The following SSRP1 variants were observed in gnomAD, a reference collection of about 807,000 sequenced individuals.
The protein encoded by SSRP1 is FACT complex subunit SSRP1.
Under a neutral mutation model 84.4 loss-of-function variants are expected in SSRP1, and 21 were observed. The observed-to-expected ratio is 0.25, with a 90% CI of 0.18 to 0.36. SSRP1 has a LOEUF of 0.36. SSRP1 is among the 10% of genes least tolerant of loss of function. SSRP1 has a pLI of 1.00. For synonymous variants in SSRP1, 319 were observed against 318.3 expected, an observed-to-expected ratio of 1.00 and a Z score of -0.02; for missense variants, 519 against 900.8, an observed-to-expected ratio of 0.58 and a Z score of 5.43.
chr11:57,326,718 C>T lies in SSRP1; in HGVS notation c.2043G>A (p.Lys681=). The change falls in exon 16 of 17, where the codon AAG becomes AAA. Residue 681 remains lysine, a synonymous_variant. Transcript: ENST00000278412. Reference sequence around the variant, plus strand: ...CCTGCCGCACCTCGCTCCTCCTCCTCTTCTTTTTGCTCTTGTTCTCTCCCG... The same window carrying T: ...CCTGCCGCACCTCGCTCCTCCTCCTTTTCTTTTTGCTCTTGTTCTCTCCCG... ...SSSGENKSKK[K]RRRSEDSEEE... The T allele has an allele frequency of 6.2e-7, 1 of 1,613,802 alleles. No individual in the cohort carries two copies.
rs906303481 is a variant in SSRP1, at chr11:57,330,227, T to C, written c.1435+64A>G. 5 of 1,613,748 alleles carry C rather than the reference T, an allele frequency of 3.1e-6. No individual in the cohort carries two copies. In the African/African-American group the frequency reaches 6.7e-5, roughly 22 times the overall value. On this transcript the variant is annotated intron_variant, in intron 11 of 16. Coordinates refer to ENST00000278412, the MANE Select transcript of SSRP1 (RefSeq NM_003146.3). This position sits in a 1 kb window ranked among gnomAD's most constrained non-coding sequence, Gnocchi z 4.0. ...CACCCAGCTCTGGCCCAAGGGTGAG[T>C]CCAGCCCGGGCCACAGCGAGGAGCG...
In SSRP1 at chr11:57,334,765, A is replaced by G; in HGVS notation, c.55-117T>C. Reference sequence around the variant, plus strand: ...GGACTGGCCAGATTATCAATGCAGGAGCAACAGCTGAGGGTGCCAAGGAGT... The same window carrying G: ...GGACTGGCCAGATTATCAATGCAGGGGCAACAGCTGAGGGTGCCAAGGAGT... On this transcript the variant is annotated intron_variant, in intron 2 of 16. Transcript: ENST00000278412. 2.4e-6 allele frequency: 3 copies of G among 1,251,978 alleles called. No homozygotes were observed. In the East Asian group the frequency reaches 7.0e-5, roughly 29 times the overall value. 77.6% of individuals were successfully genotyped at this position (1,251,978 alleles called of 1,614,324 possible).
rs1856181014 is a variant in SSRP1, at chr11:57,335,007, G to T, written c.54+61C>A. The T allele has an allele frequency of 2.5e-6, 4 of 1,591,548 alleles. No homozygotes were observed. The highest frequency in any genetic ancestry group is 3.4e-6 in the Non-Finnish European group (4 of 1,160,130). On this transcript the variant is annotated intron_variant, in intron 2 of 16. Transcript: ENST00000278412. This position sits in a 1 kb window ranked among gnomAD's most constrained non-coding sequence, Gnocchi z 4.6. ...TTACCAAAGCAAGCTCTCATTAATG[G>T]ACAAAAACTCTACCCTCCTTCCTTC...
At position 57,326,254 on chromosome 11, in the gene SSRP1, C is replaced by T. The variant is rs2134383317; in HGVS notation, c.*153G>A. Reference sequence around the variant, plus strand: ...AAGCAGCAGAGTTAAGACGTCTCCCCACTGCCCTAGTGACATACACACCAA... The same window carrying T: ...AAGCAGCAGAGTTAAGACGTCTCCCTACTGCCCTAGTGACATACACACCAA... On this transcript the variant is annotated 3_prime_UTR_variant, in exon 17 of 17. Transcript: ENST00000278412. 2 of 707,314 alleles carry T rather than the reference C, an allele frequency of 2.8e-6. No homozygotes were observed. Among genetic ancestry groups the T allele is most frequent in the East Asian group, 5.3e-5 (2 of 37,888 alleles). 43.8% of individuals were successfully genotyped at this position (707,314 alleles called of 1,614,324 possible).
In SSRP1 at chr11:57,332,566, C is replaced by T. The variant is rs1856115767; in HGVS notation, c.768+59G>A. ...TAGAATTCTGCACACCAGTGAGATC[C>T]ATCTACTTAACACTTAGGCAAAAAC... On this transcript the variant is annotated intron_variant, in intron 6 of 16. Coordinates refer to ENST00000278412, the MANE Select transcript of SSRP1 (RefSeq NM_003146.3). The surrounding 1 kb of genome is among the most constrained non-coding windows in gnomAD (Gnocchi z 5.5). 4 of 1,603,316 alleles carry T rather than the reference C, an allele frequency of 2.5e-6. No individual in the cohort carries two copies. In the African/African-American group the frequency reaches 4.0e-5, roughly 16 times the overall value.
At chr11:57,334,986 C>G in intron 2 of SSRP1, 82 bp downstream of exon 2, 1 of 1,528,912 alleles carries the variant, frequency 6.5e-7, no homozygotes, top group Non-Finnish European at 9.1e-7. Context: ...ATAACGTTAC[C>G]AAAGCAAGCT....
intron 3 of SSRP1, among the ~76,000 whole-genome samples, chr11:57,334,243 A>G (rs988023300): frequency 2.6e-5 from 4 of 152,220 alleles, no homozygotes; most frequent in African/African-American, 9.6e-5. Flanking sequence ...TACTATCTAA[A>G]TCAAGACAGA....
At position 57,333,492 on chromosome 11, in the gene SSRP1, G is replaced by C. The variant is rs762803298; in HGVS notation, c.289C>G (p.Leu97Val). 22 of 1,613,966 alleles carry C rather than the reference G, an allele frequency of 1.4e-5. No individual in the cohort carries two copies. The highest frequency in any genetic ancestry group is 1.9e-5 in the Non-Finnish European group (22 of 1,180,024). Residue 97 changes from leucine (L) to valine (V), a missense_variant, in exon 4 of 17, where the codon CTA becomes GTA. Around this residue, in one of 7 missense-constraint regions of SSRP1, gnomAD observed 88 missense variants for 122.0 expected, o/e 0.72. Coordinates refer to ENST00000278412, the MANE Select transcript of SSRP1 (RefSeq NM_003146.3). ...DFFKTHYRLE[L>V]MEKDLCVKGW... ...TTCACACAAAGGTCCTTCTCCATTA[G>C]CTCAAGGCGATAGTGAGTTTTGAAG...
chr11:57,326,000 GT>G lies in SSRP1; in HGVS notation c.*406del. The G allele has an allele frequency of 5.3e-6, 1 of 189,298 alleles. No homozygotes were observed. The highest frequency in any genetic ancestry group is 5.4e-5 in the Admixed American group (1 of 18,636). 11.7% of individuals were successfully genotyped at this position (189,298 alleles called of 1,614,324 possible). A position where few individuals can be genotyped will look rare whatever the true frequency, so the allele number is the denominator to read the frequency against. Reference sequence around the variant, plus strand: ...CATGAGGACATGGTTTCCAAAGTCAGTTCCCTTTATTAAATCATTTTCACAG... The same window carrying G: ...CATGAGGACATGGTTTCCAAAGTCAGTCCCTTTATTAAATCATTTTCACAG... On this transcript the variant is annotated 3_prime_UTR_variant, in exon 17 of 17. Coordinates refer to ENST00000278412, the MANE Select transcript of SSRP1 (RefSeq NM_003146.3).
At position 57,332,323 on chromosome 11, in the gene SSRP1, A is replaced by C. The variant is rs750071397; in HGVS notation, c.873-43T>G. Reference sequence around the variant, plus strand: ...TGAGGTCACAACACTACTGCCTTCTAATGGCACACCTGTCTCCTGCCTGGA... The same window carrying C: ...TGAGGTCACAACACTACTGCCTTCTCATGGCACACCTGTCTCCTGCCTGGA... On this transcript the variant is annotated intron_variant, in intron 7 of 16. Coordinates refer to ENST00000278412, the MANE Select transcript of SSRP1 (RefSeq NM_003146.3). This position sits in a 1 kb window ranked among gnomAD's most constrained non-coding sequence, Gnocchi z 5.5. 6.2e-7 allele frequency: 1 copy of C among 1,613,918 alleles called. No homozygotes were observed. Among genetic ancestry groups the C allele is most frequent in the Admixed American group, 1.7e-5 (1 of 60,010 alleles).
At chr11:57,334,401 T>C (rs1240700899) in intron 3 of SSRP1, 62 bp downstream of exon 3, 3 of 1,580,798 alleles carry the variant, frequency 1.9e-6, no homozygotes, top group Non-Finnish European at 1.7e-6. Flanking sequence ...ACCTCGAGTC[T>C]CTAGAAGATT....
At position 57,326,029 on chromosome 11, in the gene SSRP1, C is replaced by A; in HGVS notation, c.*378G>T. 4.5e-6 allele frequency: 1 copy of A among 222,334 alleles called. No homozygotes were observed. Among genetic ancestry groups the A allele is most frequent in the South Asian group, 1.0e-4 (1 of 9,900 alleles). The allele number at this position is 222,334 out of a possible 1,614,324, so 13.8% of individuals were successfully genotyped here. On this transcript the variant is annotated 3_prime_UTR_variant, in exon 17 of 17. Transcript: ENST00000278412. ...CCTTTATTAAATCATTTTCACAGAC[C>A]AGAAATACAAAATGAAAGTAGAAAT...
chr11:57,334,374 G>T, intron 3 of SSRP1, 89 bp downstream of exon 3: 1 of 1,482,064 alleles, frequency 6.7e-7, no homozygotes. Context: ...GCAATCACAG[G>T]GTTACATGAG....
chr11:57,332,731 G>C lies in SSRP1; in HGVS notation c.662C>G (p.Thr221Ser), dbSNP rs755802562. 6.2e-7 allele frequency: 1 copy of C among 1,614,030 alleles called. No individual in the cohort carries two copies. Among genetic ancestry groups the C allele is most frequent in the African/African-American group, 1.3e-5 (1 of 74,936 alleles). ...GGTCTTGCCATGCAGGTGCAGAAAG[G>C]TGGGGTAGATCCGAATGTCATAACG... is the stretch of plus-strand genomic sequence containing the variant. ...RGRYDIRIYPTFLHLHGKTFD... is the reference protein window; with the variant it reads ...RGRYDIRIYPSFLHLHGKTFD... The change falls in exon 6 of 17, where the codon ACC becomes AGC. Residue 221 changes from threonine to serine, a missense_variant. Physicochemically the swap from Thr to Ser is moderately conservative, Grantham distance 58 (BLOSUM62 1). Transcript: ENST00000278412. The surrounding 1 kb of genome is among the most constrained non-coding windows in gnomAD (Gnocchi z 5.5).
chr11:57,330,660 G>A lies in SSRP1; in HGVS notation c.1296+195C>T. On this transcript the variant is annotated intron_variant, in intron 10 of 16. Transcript: ENST00000278412. The surrounding 1 kb of genome is among the most constrained non-coding windows in gnomAD (Gnocchi z 4.0). Reference sequence around the variant, plus strand: ...TCTCCCAGCCCCACTGGGGGCTCCTGAGGGGCTGCATAGACTGGTCTAAGG... The same window carrying A: ...TCTCCCAGCCCCACTGGGGGCTCCTAAGGGGCTGCATAGACTGGTCTAAGG... The A allele has an allele frequency of 1.4e-6, 2 of 1,449,022 alleles. No individual in the cohort carries two copies. Among genetic ancestry groups the A allele is most frequent in the East Asian group, 2.5e-5 (1 of 40,362 alleles). 89.8% of individuals were successfully genotyped at this position (1,449,022 alleles called of 1,614,324 possible).
chr11:57,332,756 G>T lies in SSRP1; in HGVS notation c.637C>A (p.Arg213Ser). The change falls in exon 6 of 17, where the codon CGT becomes AGT. Residue 213 changes from arginine to serine, a missense_variant. Arg to Ser is a moderately radical substitution (Grantham distance 110). This residue lies in a region of SSRP1 where 159 missense variants were observed against 359.0 expected (regional missense o/e 0.44). Coordinates refer to ENST00000278412, the MANE Select transcript of SSRP1 (RefSeq NM_003146.3). This position sits in a 1 kb window ranked among gnomAD's most constrained non-coding sequence, Gnocchi z 5.5. The stretch of plus-strand genomic sequence containing the variant: ...GTGGGGTAGATCCGAATGTCATAAC[G>T]ACCACGAGGAGTCAGACACTGCAGC... ...RELQCLTPRG[R>S]YDIRIYPTFL... 6.2e-7 allele frequency: 1 copy of T among 1,614,026 alleles called. No individual in the cohort carries two copies. The highest frequency in any genetic ancestry group is 1.1e-5 in the South Asian group (1 of 91,076).
intron 15 of SSRP1, chr11:57,327,155 T>C (rs1856002276): frequency 4.5e-6 from 3 of 663,542 alleles, no homozygotes; most frequent in Non-Finnish European, 7.5e-6. Flanking sequence ...ATGCAAACTG[T>C]GCACTGCACT....
At chr11:57,327,672 A>G in intron 14 of SSRP1, 40 bp downstream of exon 14, 3 of 1,609,788 alleles carry the variant, frequency 1.9e-6, no homozygotes, top group Non-Finnish European at 2.5e-6. Flanking sequence ...ACCTCTCGCC[A>G]GCCCATGAGA....
At chr11:57,331,988 T>C in intron 8 of SSRP1, 99 bp from the exon 9 acceptor site, 3 of 1,491,746 alleles carry the variant, frequency 2.0e-6, no homozygotes, top group Non-Finnish European at 2.8e-6. Context: ...CTCGACTAAG[T>C]AAACCTCACT....
Sources: gnomAD v4.1 joint callset for allele counts (sites outside exome capture counted in the v4.1 genomes callset) on GRCh38, gnomAD v4.1.1 for gene constraint, gnomAD v4.1.1 regional missense constraint, Gnocchi (gnomAD v3.1) non-coding constraint, MANE v1.5 for transcripts, NCBI Gene and HGNC (gene_info 2026-07-23, HGNC 2026-07-21) for gene names.